ARAP2: variants seen among roughly 807,000 people sequenced by gnomAD.
The protein encoded by ARAP2 is ArfGAP with RhoGAP domain, ankyrin repeat and PH domain 2.
ARAP2 carries 148 observed loss-of-function variants against 194.5 expected under a neutral mutation model. The ratio of observed to expected loss-of-function variants is 0.76; its 90% CI spans 0.67 to 0.87. The LOEUF is 0.87. Ranked by LOEUF, ARAP2 falls within the 40% of genes least tolerant of loss-of-function variation. The pLI is 0.00. For missense variants in ARAP2, 2,128 were observed against 1,989.7 expected (o/e 1.07, Z -1.32); for synonymous variants, 695 against 683.5 (o/e 1.02, Z -0.26).
rs556406588 is a variant in ARAP2, at chr4:36,121,065, T to C, written c.3894+114A>G. On this transcript the variant is annotated intron_variant, in intron 23 of 32. Coordinates refer to ENST00000303965, the MANE Select transcript of ARAP2 (RefSeq NM_015230.4). ...AAAAATATGACTATTCCTTATTTTA[T>C]GTATTTCTAAATATGAATAAAGATC... The C allele has an allele frequency of 1.4e-5, 10 of 734,352 alleles. No individual in the cohort carries two copies. The South Asian group carries it at 4.9e-4, about 36-fold the overall frequency. 45.5% of individuals were successfully genotyped at this position (734,352 alleles called of 1,614,324 possible). A position where few individuals can be genotyped will look rare whatever the true frequency, so the allele number is the denominator to read the frequency against.
chr4:36,147,327 G>C lies in ARAP2; in HGVS notation c.3232C>G (p.Leu1078Val). 1 of 1,612,936 alleles carries C rather than the reference G, an allele frequency of 6.2e-7. No individual in the cohort carries two copies. Among genetic ancestry groups the C allele is most frequent in the Non-Finnish European group, 8.5e-7 (1 of 1,179,248 alleles). The change falls in exon 19 of 33, where the codon CTG becomes GTG. Residue 1078 changes from leucine to valine, a missense_variant. By Grantham distance (32) the Leu-to-Val change is conservative (BLOSUM62 1). Coordinates refer to ENST00000303965, the MANE Select transcript of ARAP2 (RefSeq NM_015230.4). Reference sequence around the variant, plus strand: ...TTTTCTACCAAGAGTAAAACATCCAGTTTTTCCCCATTTTGAACCATTGTG... The same window carrying C: ...TTTTCTACCAAGAGTAAAACATCCACTTTTTCCCCATTTTGAACCATTGTG... Reference protein sequence around the residue: ...ISTMVQNGEKLDVLLLVEKGR... With the variant: ...ISTMVQNGEKVDVLLLVEKGR...
In ARAP2 at chr4:36,193,626, T is replaced by C. The variant is rs375182843; in HGVS notation, c.1509A>G (p.Arg503=). 10 of 1,603,664 alleles carry C rather than the reference T, an allele frequency of 6.2e-6. No individual in the cohort carries two copies. The highest frequency in any genetic ancestry group is 7.7e-6 in the Non-Finnish European group (9 of 1,175,434). The stretch of plus-strand genomic sequence containing the variant: ...TGCTAAGGCCATCAAATTTCACCCA[T>C]CTCTTTTGAAACATGCGTTTTCTGC... ...SPQGKRMFQK[R]WVKFDGLSIS... The change falls in exon 7 of 33, where the codon AGA becomes AGG. Residue 503 remains arginine, a synonymous_variant. Coordinates refer to ENST00000303965, the MANE Select transcript of ARAP2 (RefSeq NM_015230.4).
intron 9 of ARAP2, among the ~76,000 whole-genome samples, chr4:36,008,633 G>A (rs993864225): frequency 2.0e-5 from 3 of 151,690 alleles, no homozygotes; most frequent in Admixed American, 6.6e-5. Context: ...TATCAGCCTC[G>A]GCAGAAAATT....
At chr4:36,100,184 G>A (rs375242755) in intron 27 of ARAP2, among the ~76,000 whole-genome samples, 1 of 152,040 alleles carries the variant, frequency 6.6e-6, no homozygotes, top group South Asian at 2.1e-4. Context: ...GTAACCCTAA[G>A]ACAGTAGGAA....
At chr4:36,141,764 A>ATAGC (rs1195677459) in intron 19 of ARAP2, among the ~76,000 whole-genome samples, 1 of 151,730 alleles carries the variant, frequency 6.6e-6, no homozygotes, top group African/African-American at 2.4e-5. Context: ...GTTCAAGCTT[A>ATAGC]TAGCTGGTTG....
chr4:36,017,968 A>G (rs1716175536), intron 6 of ARAP2, among the ~76,000 whole-genome samples: 1 of 152,186 alleles, frequency 6.6e-6, no homozygotes, highest in Non-Finnish European at 1.5e-5. Flanking sequence ...TTCTTCTATT[A>G]TAGTATCTAT....
chr4:36,083,731 A>C (rs1730157847), intron 28 of ARAP2, among the ~76,000 whole-genome samples: 2 of 152,138 alleles, frequency 1.3e-5, no homozygotes, highest in Admixed American at 6.6e-5. Flanking sequence ...CTTGATTCAA[A>C]AACACTTGAG....
intron 5 of ARAP2, among the ~76,000 whole-genome samples, chr4:36,037,379 T>C (rs959267915): frequency 1.3e-5 from 2 of 152,168 alleles, no homozygotes; most frequent in East Asian, 1.9e-4. Flanking sequence ...GGGGATGTGA[T>C]GACATTAACT....
rs1724592207 is a variant in ARAP2, at chr4:36,128,668, C to A, written c.3505G>T (p.Asp1169Tyr). ...GCCCTCAATTTAAAGCTTCTTGCAT[C>A]CTTTTTGAAACTCTCCAGGAGTTCA... ...ISELLESFKK[D>Y]ARSFKLRAGK... is the part of the protein sequence containing the mutation. The change falls in exon 21 of 33, where the codon GAT becomes TAT. Residue 1169 changes from aspartate (D) to tyrosine (Y), a missense_variant. Physicochemically the swap from Asp to Tyr is radical, Grantham distance 160. Coordinates refer to ENST00000303965, the MANE Select transcript of ARAP2 (RefSeq NM_015230.4). 2.5e-6 allele frequency: 4 copies of A among 1,612,822 alleles called. No homozygotes were observed. Among genetic ancestry groups the A allele is most frequent in the Non-Finnish European group, 3.4e-6 (4 of 1,179,384 alleles).
intron 27 of ARAP2, among the ~76,000 whole-genome samples, chr4:36,093,875 A>T (rs1479180377): frequency 6.6e-6 from 1 of 152,190 alleles, no homozygotes; most frequent in Non-Finnish European, 1.5e-5. Flanking sequence ...GATATTTGGT[A>T]AAACCCCAAT....
chr4:36,193,604 T>C lies in ARAP2; in HGVS notation c.1531A>G (p.Ser511Gly). 2 of 1,597,866 alleles carry C rather than the reference T, an allele frequency of 1.3e-6. No homozygotes were observed. The highest frequency in any genetic ancestry group is 1.7e-5 in the Admixed American group (1 of 57,536). ...TTCTCATTATTGTAGTAAGAAATGC[T>C]AAGGCCATCAAATTTCACCCATCTC... ...QKRWVKFDGL[S>G]ISYYNNEKEM... is the part of the protein sequence containing the mutation. The change falls in exon 7 of 33, where the codon AGC (serine) becomes GGC (glycine). Residue 511 changes from serine (S) to glycine (G), a missense_variant. Ser to Gly is a moderately conservative substitution (Grantham distance 56). Coordinates refer to ENST00000303965, the MANE Select transcript of ARAP2 (RefSeq NM_015230.4).
At chr4:36,012,043 C>T (rs1714671923) in intron 9 of ARAP2, among the ~76,000 whole-genome samples, 1 of 152,038 alleles carries the variant, frequency 6.6e-6, no homozygotes, top group Non-Finnish European at 1.5e-5. Flanking sequence ...ATGGCCTCAA[C>T]ATTTCTTTCA....
intron 8 of ARAP2, among the ~76,000 whole-genome samples, chr4:36,178,373 CT>C (rs1738453340): frequency 6.6e-6 from 1 of 152,122 alleles, no homozygotes; most frequent in Non-Finnish European, 1.5e-5. Context: ...ATTAGATTTT[CT>C]TTTAATAGAA....
rs2109466734 is a variant in ARAP2 at position 36,107,693 on chromosome 4, T to G, written c.4157A>C (p.Glu1386Ala). Residue 1386 changes from glutamate (E) to alanine (A), a missense_variant and splice_region_variant, in exon 27 of 33, where the codon GAG (glutamate) becomes GCG (alanine). Transcript: ENST00000303965. ...TFEVIENEEL[E>A]RPLHYKENVL... is the part of the protein sequence containing the mutation. ...ATTTTCCTTGTAGTGAAGAGGACGC[T>G]CTGTAAAAAATAAATTCCAAATCAA... 6.3e-7 allele frequency: 1 copy of G among 1,589,092 alleles called. No individual in the cohort carries two copies. The highest frequency in any genetic ancestry group is 8.5e-7 in the Non-Finnish European group (1 of 1,170,424).
intron 19 of ARAP2, among the ~76,000 whole-genome samples, chr4:36,137,914 C>A (rs1727231149): frequency 6.6e-6 from 1 of 151,678 alleles, no homozygotes; most frequent in South Asian, 2.1e-4. Context: ...ATTTCCTGAA[C>A]AATTTATTAC....
rs993872215 is a variant in ARAP2 at position 36,010,721 on chromosome 4, C to G, written n.1325+1842G>C. On this transcript the variant is annotated intron_variant and non_coding_transcript_variant, in intron 9 of 12. Transcript: ENST00000503225. Reference sequence around the variant, plus strand: ...TTCAACCCCTTACATAGATTAATGGCCTTCCCCCTCGCCTCTAAGAATAAT... The same window carrying G: ...TTCAACCCCTTACATAGATTAATGGGCTTCCCCCTCGCCTCTAAGAATAAT... Among the ~76,000 whole-genome samples, 8 of 152,208 alleles carry G rather than the reference C, an allele frequency of 5.3e-5. 1 individual carries two copies. The South Asian group carries it at 1.5e-3, about 28-fold the overall frequency.
chr4:36,155,373 G>T (rs1732007324), intron 15 of ARAP2, among the ~76,000 whole-genome samples: 1 of 152,164 alleles, frequency 6.6e-6, no homozygotes, highest in Admixed American at 6.5e-5. Context: ...ACTTTAGCAG[G>T]GTGCCAGAGA....
At chr4:36,193,693 CT>C in intron 6 of ARAP2, 46 bp from the exon 7 acceptor site, 1 of 1,373,980 alleles carries the variant, frequency 7.3e-7, no homozygotes. Flanking sequence ...GTAACATGAA[CT>C]TAGATTGTTA....
intron 8 of ARAP2, among the ~76,000 whole-genome samples, chr4:36,187,052 ACTGAGC>A (rs1190733098): frequency 6.6e-6 from 1 of 152,232 alleles, no homozygotes; most frequent in Non-Finnish European, 1.5e-5. Context: ...GTTGGGAACC[ACTGAGC>A]CTGCCATAAA....
Sources: gnomAD v4.1 joint callset for allele counts (sites outside exome capture counted in the v4.1 genomes callset) on GRCh38, gnomAD v4.1.1 for gene constraint, MANE v1.5 for transcripts, NCBI Gene and HGNC (gene_info 2026-07-23, HGNC 2026-07-21) for gene names.